The following DHODH variants were observed in gnomAD, a reference collection of about 807,000 sequenced individuals.
DHODH encodes dihydroorotate dehydrogenase (quinone), mitochondrial.
Under a neutral mutation model 39.7 loss-of-function variants are expected in DHODH, and 30 were observed. The ratio of observed to expected loss-of-function variants is 0.76; its 90% confidence interval spans 0.57 to 1.02. The LOEUF is 1.02. Ranked by LOEUF, DHODH falls within the 50% of genes least tolerant of loss-of-function variation. The pLI is 0.00. For missense variants in DHODH, 531 were observed against 520.8 expected (o/e 1.02, Z -0.19); for synonymous variants, 222 against 213.8 (o/e 1.04, Z -0.34).
At chr16:72,015,326 G>A (rs1406599409) in intron 3 of DHODH, among the ~76,000 whole-genome samples, 1 of 152,348 alleles carries the variant, frequency 6.6e-6, no homozygotes, top group African/African-American at 2.4e-5. Context: ...CAGCAGGCTT[G>A]TATTGGCTAG....
intron 1 of DHODH, among the ~76,000 whole-genome samples, chr16:72,011,521 C>T (rs560500388): frequency 2.0e-5 from 3 of 152,278 alleles, no homozygotes; most frequent in East Asian, 3.9e-4. Context: ...GTCCCAGTTA[C>T]TTGGGGAGGC....
At chr16:72,020,351 ATATG>A (rs1323824103) in intron 4 of DHODH, 16 of 117,516 alleles carry the variant, frequency 1.4e-4, no homozygotes, top group African/African-American at 4.6e-4. Flanking sequence ...ATATATATAT[ATATG>A]TGTATATATA....
In DHODH at chr16:72,022,421, C is replaced by A. The variant is rs61757214; in HGVS notation, c.765C>A (p.Ile255=). 3 of 1,557,894 alleles carry A rather than the reference C, an allele frequency of 1.9e-6. No individual in the cohort carries two copies. Among genetic ancestry groups the A allele is most frequent in the East Asian group, 2.4e-5 (1 of 41,556 alleles). ...RVHRPAVLVK[I]APDLTSQDKE... ...ACAGGCCGGCAGTCCTGGTGAAGATCGCTCCTGACCTCACCAGCCAGGATA... is the reference window on the plus strand; with the variant it reads ...ACAGGCCGGCAGTCCTGGTGAAGATAGCTCCTGACCTCACCAGCCAGGATA... Residue 255 remains isoleucine (I), a synonymous_variant, in exon 6 of 9, where the codon ATC becomes ATA. Coordinates refer to ENST00000219240, the MANE Select transcript of DHODH (RefSeq NM_001361.5).
rs1432087700 is a variant in DHODH, at chr16:72,027,629, T to G, written c.*3430T>G. Reference sequence around the variant, plus strand: ...GCATAATTGTCTTTGCTTGCCAATTTCATATCAGTTAAATATAAGCAGTAA... The same window carrying G: ...GCATAATTGTCTTTGCTTGCCAATTGCATATCAGTTAAATATAAGCAGTAA... On this transcript the variant is annotated 3_prime_UTR_variant, in exon 9 of 9. Coordinates refer to ENST00000219240, the MANE Select transcript of DHODH (RefSeq NM_001361.5). 6.6e-6 allele frequency: 1 copy of G among 152,204 alleles called. No individual in the cohort carries two copies. The highest frequency in any genetic ancestry group is 2.4e-5 in the African/African-American group (1 of 41,450). 9.4% of individuals were successfully genotyped at this position (152,204 alleles called of 1,614,324 possible).
In DHODH at chr16:72,020,048, T is replaced by C. The variant is rs530656005; in HGVS notation, c.518-1076T>C. Among the ~76,000 whole-genome samples, 784 of 151,466 alleles carry C rather than the reference T, an allele frequency of 5.2e-3. 6 individuals carry two copies. Among genetic ancestry groups the C allele is most frequent in the Non-Finnish European group, 5.4e-3 (369 of 67,902 alleles). On this transcript the variant is annotated intron_variant, in intron 4 of 8. Transcript: ENST00000219240. ...ATCCCAGCACTTTGGGAGGCTGAGG[T>C]GGGCAGATCATGAGGTCTGGAGATG... is the stretch of plus-strand genomic sequence containing the variant.
At position 72,024,311 on chromosome 16, in the gene DHODH, T is replaced by C; in HGVS notation, c.*112T>C. On this transcript the variant is annotated 3_prime_UTR_variant, in exon 9 of 9. Coordinates refer to ENST00000219240, the MANE Select transcript of DHODH (RefSeq NM_001361.5). ...CATCTTGAGCCATGTCCCCCAGCCA[T>C]GGCATGGCTGCACTGTAAACGCCAA... The C allele has an allele frequency of 2.5e-6, 3 of 1,195,176 alleles. No individual in the cohort carries two copies. In the South Asian group the frequency reaches 3.7e-5, roughly 15 times the overall value. The allele number at this position is 1,195,176 out of a possible 1,614,324, so 74.0% of individuals were successfully genotyped here. A position where few individuals can be genotyped will look rare whatever the true frequency, so the allele number is the denominator to read the frequency against.
At chr16:72,022,181 T>G (rs1306008815) in intron 5 of DHODH, among the ~76,000 whole-genome samples, 181 bp from the exon 6 acceptor site, 2 of 151,862 alleles carry the variant, frequency 1.3e-5, no homozygotes, top group Non-Finnish European at 2.9e-5. Flanking sequence ...CCTAAAAGAA[T>G]GGAATCGGAT....
At position 72,016,657 on chromosome 16, in the gene DHODH, G is replaced by C. The variant is rs1423515115; in HGVS notation, c.435-367G>C. ...GTGATTTTCAGACAGAAAGCCTAGAGAGATGGAGTGGCTGCAGGGGCTTCA... is the reference window on the plus strand; with the variant it reads ...GTGATTTTCAGACAGAAAGCCTAGACAGATGGAGTGGCTGCAGGGGCTTCA... On this transcript the variant is annotated intron_variant, in intron 3 of 8. Transcript: ENST00000219240. 1.1e-5 allele frequency: 4 copies of C among 358,384 alleles called. No individual in the cohort carries two copies. The East Asian group carries it at 2.1e-4, about 19-fold the overall frequency. The allele number at this position is 358,384 out of a possible 1,614,324, so 22.2% of individuals were successfully genotyped here.
chr16:72,014,180 C>T (rs149567323), intron 2 of DHODH, among the ~76,000 whole-genome samples: 6 of 152,280 alleles, frequency 3.9e-5, no homozygotes, highest in Admixed American at 1.3e-4. Flanking sequence ...TGCTCGTCTC[C>T]GCTTCAACCC....
At chr16:72,018,726 G>A (rs8045316) in intron 4 of DHODH, among the ~76,000 whole-genome samples, 6,252 of 152,198 alleles carry the variant, frequency 0.041, 398 homozygotes, top group African/African-American at 0.14. Context: ...AGGAACACGC[G>A]TTGACAAAAG....
rs138873375 is a variant in DHODH, at chr16:72,016,612, G to A, written c.435-412G>A. The A allele has an allele frequency of 3.5e-3, 1,148 of 326,930 alleles. 7 individuals carry two copies. The highest frequency in any genetic ancestry group is 5.5e-3 in the Admixed American group (133 of 24,160). The allele number at this position is 326,930 out of a possible 1,614,324, so 20.3% of individuals were successfully genotyped here. On this transcript the variant is annotated intron_variant, in intron 3 of 8. Coordinates refer to ENST00000219240, the MANE Select transcript of DHODH (RefSeq NM_001361.5). ...CTGTGCAGGAGGAGAGGGAGCGTTT[G>A]CTCTGAGCTAGGAAGAGAGGTGATT...
chr16:72,015,898 T>A (rs2041136751), intron 3 of DHODH: 1 of 984,524 alleles, frequency 1.0e-6, no homozygotes, highest in South Asian at 4.7e-5. Context: ...GGTGAAGTTA[T>A]GAAGTCATCA....
At chr16:72,015,038 G>C (rs1219337561) in intron 3 of DHODH, among the ~76,000 whole-genome samples, 1 of 152,192 alleles carries the variant, frequency 6.6e-6, no homozygotes, top group Non-Finnish European at 1.5e-5. Flanking sequence ...CAGGAGAAAT[G>C]TAATGTGAGC....
chr16:72,023,155 C>A lies in DHODH; in HGVS notation c.820-10C>A, dbSNP rs369379668. The A allele has an allele frequency of 6.2e-7, 1 of 1,613,926 alleles. No individual in the cohort carries two copies. The highest frequency in any genetic ancestry group is 1.7e-5 in the Admixed American group (1 of 59,990). On this transcript the variant is annotated splice_polypyrimidine_tract_variant and intron_variant, in intron 6 of 8. Transcript: ENST00000219240. ...ATGACTCATGGCTTTTTCTCTATCT[C>A]GCACTGCAGTTGGGCATCGATGGGC...
At position 72,026,980 on chromosome 16, in the gene DHODH, TG is replaced by T. The variant is rs879378666; in HGVS notation, c.*2782del. The T allele has an allele frequency of 0.015, 2,146 of 146,718 alleles. 39 individuals are homozygous for T. The highest frequency in any genetic ancestry group is 0.028 in the South Asian group (128 of 4,506). The allele number at this position is 146,718 out of a possible 1,614,324, so 9.1% of individuals were successfully genotyped here. A position where few individuals can be genotyped will look rare whatever the true frequency, so the allele number is the denominator to read the frequency against. On this transcript the variant is annotated 3_prime_UTR_variant, in exon 9 of 9. Coordinates refer to ENST00000219240, the MANE Select transcript of DHODH (RefSeq NM_001361.5). ...TAATTTGTGTGTGTGTGTGTGTGTG[TG>T]TGTGTGTGTGTGTGTGTGTGTGTGT...
chr16:72,012,965 A>G (rs2041101047), intron 2 of DHODH, among the ~76,000 whole-genome samples: 1 of 152,188 alleles, frequency 6.6e-6, no homozygotes, highest in African/African-American at 2.4e-5. Context: ...CGAATAAAAG[A>G]GTCCCCATCC....
At position 72,014,538 on chromosome 16, in the gene DHODH, T is replaced by C. The variant is rs747517961; in HGVS notation, c.300T>C (p.His100=). Reference sequence around the variant, plus strand: ...GAATTGCTGCAGGATTTGACAAGCATGGGGAAGCCGTGGACGGACTTTATA... The same window carrying C: ...GAATTGCTGCAGGATTTGACAAGCACGGGGAAGCCGTGGACGGACTTTATA... ...PVGIAAGFDK[H]GEAVDGLYKM... The change falls in exon 3 of 9, where the codon CAT becomes CAC. Residue 100 remains histidine, a synonymous_variant. Coordinates refer to ENST00000219240, the MANE Select transcript of DHODH (RefSeq NM_001361.5). 1.9e-6 allele frequency: 3 copies of C among 1,614,138 alleles called. No individual in the cohort carries two copies. Among genetic ancestry groups the C allele is most frequent in the South Asian group, 1.1e-5 (1 of 91,084 alleles).
intron 3 of DHODH, chr16:72,016,581 C>T (rs11864453): frequency 0.39 from 109,543 of 277,674 alleles, 22,517 homozygotes; most frequent in Middle Eastern, 0.49. Context: ...TTTGCAGCTG[C>T]GAGCTCTGTG....
chr16:72,019,040 C>T (rs1455872688), intron 4 of DHODH, among the ~76,000 whole-genome samples: 1 of 152,208 alleles, frequency 6.6e-6, no homozygotes, highest in South Asian at 2.1e-4. Context: ...ACAGTAGCCT[C>T]CACCTCCCAG....
Sources: gnomAD v4.1 joint callset for allele counts (sites outside exome capture counted in the v4.1 genomes callset) on GRCh38, gnomAD v4.1.1 for gene constraint, MANE v1.5 for transcripts, NCBI Gene and HGNC (gene_info 2026-07-23, HGNC 2026-07-21) for gene names.